Variants in SI observed in about 807,000 individuals in gnomAD.
SI encodes sucrase-isomaltase, intestinal.
A neutral mutation model predicts 253.3 loss-of-function variants in SI; 235 were observed. The observed-to-expected ratio is 0.93, with a 90% CI of 0.83 to 1.03. The LOEUF is 1.03. Ranked by LOEUF, SI falls within the 50% of genes least tolerant of loss-of-function variation. SI has a pLI of 0.00. For synonymous variants in SI, 819 were observed against 712.0 expected, an observed-to-expected ratio of 1.15 and a Z score of -2.39; for missense variants, 2,442 against 2,211.1, an observed-to-expected ratio of 1.10 and a Z score of -2.09.
chr3:165,072,566 T>G (rs1164425954), intron 3 of SI, among the ~76,000 whole-genome samples: 1 of 152,104 alleles, frequency 6.6e-6, no homozygotes, highest in Non-Finnish European at 1.5e-5. Flanking sequence ...TATGATTTAT[T>G]TTTTAAATCC....
At chr3:165,040,869 A>G (rs942849588) in intron 18 of SI, 71 bp downstream of exon 18, 2 of 1,271,050 alleles carry the variant, frequency 1.6e-6, no homozygotes, top group East Asian at 2.3e-5. Flanking sequence ...ATTTACCTCC[A>G]TTAAACTTTT....
rs761448340 is a variant in SI, at chr3:165,032,543, G to T, written c.2715C>A (p.Phe905Leu). Residue 905 changes from phenylalanine to leucine, a missense_variant, in exon 24 of 48, where the codon TTC becomes TTA. Phe to Leu is a conservative substitution (Grantham distance 22). Transcript: ENST00000264382. ...TTACCTGGTTAGAAGCATCATAAGT[G>T]AAATTGGAATGAGCGTTCATTGGTT... ...NNQPMNAHSN[F>L]TYDASNQVLL... 5 of 1,607,150 alleles carry T rather than the reference G, an allele frequency of 3.1e-6. No homozygotes were observed. The Admixed American group carries it at 8.4e-5, about 27-fold the overall frequency.
chr3:165,054,236 T>C (rs1269284388), intron 13 of SI, among the ~76,000 whole-genome samples: 2 of 152,042 alleles, frequency 1.3e-5, no homozygotes, highest in Non-Finnish European at 2.9e-5. Flanking sequence ...CCAAAGAAAA[T>C]ATAGTCATCC....
chr3:165,047,810 C>T (rs1427530254), intron 15 of SI, among the ~76,000 whole-genome samples: 1 of 148,824 alleles, frequency 6.7e-6, no homozygotes, highest in Non-Finnish European at 1.5e-5. Flanking sequence ...TATTAGCAGG[C>T]AAGGTTGGGA....
In SI at chr3:165,047,012, T is replaced by C. The variant is rs1303872460; in HGVS notation, c.1716A>G (p.Gln572=). Residue 572 remains glutamine, a splice_region_variant and synonymous_variant, in exon 16 of 48, where the codon CAA becomes CAG. Coordinates refer to ENST00000264382, the MANE Select transcript of SI (RefSeq NM_001041.4). Reference sequence around the variant, plus strand: ...TATTAGGAAAAACTTTTTGTACAGCTCTAAAAATAAAACCAAATTAACAAA... The same window carrying C: ...TATTAGGAAAAACTTTTTGTACAGCCCTAAAAATAAAACCAAATTAACAAA... ...YGYSMAIATE[Q]AVQKVFPNKR... The C allele has an allele frequency of 3.1e-6, 5 of 1,591,324 alleles. No individual in the cohort carries two copies. The highest frequency in any genetic ancestry group is 4.3e-6 in the Non-Finnish European group (5 of 1,166,014).
chr3:165,050,284 C>A (rs1713360942), intron 13 of SI, among the ~76,000 whole-genome samples: 1 of 152,060 alleles, frequency 6.6e-6, no homozygotes, highest in Admixed American at 6.6e-5. Context: ...TTGCTAGCAG[C>A]AAAATTTGCC....
chr3:164,984,519 A>G (rs1246320433), intron 45 of SI, among the ~76,000 whole-genome samples: 3 of 152,142 alleles, frequency 2.0e-5, no homozygotes, highest in Non-Finnish European at 4.4e-5. Flanking sequence ...AAAAAAAGCA[A>G]AAGTGACAGC....
chr3:165,062,995 A>T (rs1224452733), intron 8 of SI, among the ~76,000 whole-genome samples: 4 of 152,098 alleles, frequency 2.6e-5, no homozygotes, highest in Non-Finnish European at 1.5e-5. Context: ...ATTATCACCA[A>T]TTCACCTATT....
rs571049231 is a variant in SI, at chr3:165,063,512, T to C, written c.837A>G (p.Thr279=). 7.1e-6 allele frequency: 11 copies of C among 1,549,290 alleles called. No homozygotes were observed. The highest frequency in any genetic ancestry group is 5.8e-5 in the South Asian group (5 of 85,792). ...DNNNNLYGHQ[T]FFMCIEDTSG... is the part of the protein sequence containing the mutation. ...ATGTATCTTCAATACACATAAAGAA[T>C]GTTTGATGGCCGTATAAATTATTAT... Residue 279 remains threonine, a synonymous_variant, in exon 8 of 48, where the codon ACA becomes ACG. Transcript: ENST00000264382.
In SI at chr3:165,058,855, G is replaced by GACACACAC. The variant is rs1477283696; in HGVS notation, c.1398+107_1398+108insGTGTGTGT. The GACACACAC allele has an allele frequency of 1.7e-4, 32 of 192,584 alleles. 1 individual carries two copies. In the East Asian group the frequency reaches 2.2e-3, roughly 13 times the overall value. The allele number at this position is 192,584 out of a possible 1,614,324, so 11.9% of individuals were successfully genotyped here. On this transcript the variant is annotated intron_variant, in intron 12 of 47. Transcript: ENST00000264382. ...AATATAAAATTCAGACTTGAAAGCA[G>GACACACAC]ACATACACACACACACACACACACA...
chr3:164,984,893 A>G (rs1717364077), intron 45 of SI, among the ~76,000 whole-genome samples: 1 of 152,180 alleles, frequency 6.6e-6, no homozygotes, highest in African/African-American at 2.4e-5. Context: ...CTGATCTAAC[A>G]AATCCAGAGA....
chr3:165,001,471 A>G (rs985937187), intron 37 of SI, among the ~76,000 whole-genome samples: 1 of 151,522 alleles, frequency 6.6e-6, no homozygotes, highest in Non-Finnish European at 1.5e-5. Flanking sequence ...TTGGATAAGT[A>G]TTTTGTAGGC....
chr3:165,037,976 C>T lies in SI; in HGVS notation c.2350G>A (p.Ala784Thr), dbSNP rs2108213900. ...RKQRVDMYLP[A>T]DKIGLHLRGG... ...CTAAGATGTAATCCTATTTTGTCTG[C>T]TGGAAGATACATATCAACCCGTTGT... is the stretch of plus-strand genomic sequence containing the variant. Residue 784 changes from alanine to threonine, a missense_variant, in exon 21 of 48, where the codon GCA becomes ACA. Transcript: ENST00000264382. 1 of 1,610,750 alleles carries T rather than the reference C, an allele frequency of 6.2e-7. No homozygotes were observed. Among genetic ancestry groups the T allele is most frequent in the Non-Finnish European group, 8.5e-7 (1 of 1,177,616 alleles).
At position 164,983,247 on chromosome 3, in the gene SI, G is replaced by A. The variant is rs141570810; in HGVS notation, c.5198-196C>T. 7.7e-3 allele frequency among the ~76,000 whole-genome samples: 1,179 copies of A among 152,230 alleles called. 16 individuals carry two copies. The highest frequency in any genetic ancestry group is 0.027 in the African/African-American group (1,130 of 41,556). ...CTTGGAAATGAAGGATGAGTCACCA[G>A]GTAAGGTCCTAAGAGGACAAGCTAG... On this transcript the variant is annotated intron_variant, in intron 45 of 47. Coordinates refer to ENST00000264382, the MANE Select transcript of SI (RefSeq NM_001041.4).
intron 44 of SI, among the ~76,000 whole-genome samples, chr3:164,989,970 C>A (rs1003363401): frequency 3.3e-5 from 5 of 152,082 alleles, no homozygotes; most frequent in African/African-American, 1.2e-4. Context: ...GTCAGTAAAA[C>A]AATTCTAAAG....
chr3:165,031,326 TAC>T (rs1480879807), intron 24 of SI, among the ~76,000 whole-genome samples: 1 of 148,598 alleles, frequency 6.7e-6, no homozygotes, highest in Admixed American at 6.8e-5. Context: ...TATGAAGGTA[TAC>T]ACAGCAGAAT....
At chr3:165,006,458 G>A (rs1228266775) in intron 37 of SI, among the ~76,000 whole-genome samples, 1 of 152,104 alleles carries the variant, frequency 6.6e-6, no homozygotes, top group Non-Finnish European at 1.5e-5. Flanking sequence ...GATGCTTTAT[G>A]TCTTAATGAT....
chr3:165,083,422 A>G (rs186614473), upstream of SI, among the ~76,000 whole-genome samples: 1 of 152,078 alleles, frequency 6.6e-6, no homozygotes, highest in East Asian at 1.9e-4. Flanking sequence ...AGCTTTGACT[A>G]TGTATTTCCT....
Position 165,039,886 on chromosome 3 carries a change from C to T in SI, c.2244+1G>A. 6.2e-7 allele frequency: 1 copy of T among 1,606,158 alleles called. No homozygotes were observed. The highest frequency in any genetic ancestry group is 8.5e-7 in the Non-Finnish European group (1 of 1,173,050). ...AAGGTTATTAAACCTGTAGAGCCTA[C>T]CTGTTTTAGAACAGGAGTAATAAGT... On this transcript the variant is annotated splice_donor_variant, in intron 19 of 47. Transcript: ENST00000264382. LOFTEE classifies it high-confidence loss of function.
Sources: gnomAD v4.1 joint callset for allele counts (sites outside exome capture counted in the v4.1 genomes callset) on GRCh38, gnomAD v4.1.1 for gene constraint, MANE v1.5 for transcripts, NCBI Gene and HGNC (gene_info 2026-07-23, HGNC 2026-07-21) for gene names.